The following MPHOSPH10 variants were observed in gnomAD, a reference collection of about 807,000 sequenced individuals.
MPHOSPH10 encodes M-phase phosphoprotein 10, also known as U3 small nucleolar ribonucleoprotein MPP10.
MPHOSPH10 carries 33 observed loss-of-function variants against 77.3 expected under a neutral mutation model. That is an observed-to-expected ratio of 0.43 (90% CI 0.32 to 0.57). The LOEUF (loss-of-function observed/expected upper bound fraction) is 0.57, where lower values mean the gene tolerates loss of function less well. MPHOSPH10 is among the 20% of genes least tolerant of loss of function. The probability of loss-of-function intolerance (pLI) is 0.07; values close to 1 mark genes in which losing one functional copy is unlikely to be tolerated. For synonymous variants in MPHOSPH10, 245 were observed against 268.0 expected (o/e 0.91, Z 0.84); for missense variants, 708 against 780.1 (o/e 0.91, Z 1.10).
intron 4 of MPHOSPH10, among the ~76,000 whole-genome samples, chr2:71,135,524 G>A (rs1457071315): frequency 2.6e-5 from 4 of 151,858 alleles, no homozygotes; most frequent in Non-Finnish European, 5.9e-5. Flanking sequence ...TCCAGCCTGG[G>A]CGACAGAGTG....
rs1312317645 is a variant in MPHOSPH10 at position 71,149,392 on chromosome 2, A to G, written c.1835A>G (p.Lys612Arg). Residue 612 changes from lysine (K) to arginine (R), a missense_variant, in exon 10 of 11, where the codon AAA becomes AGA. By Grantham distance (26) the Lys-to-Arg change is conservative. Transcript: ENST00000244230. ...SSVDQAGKYS[K>R]TVASEKLKQL... ...GTAGATCAAGCAGGGAAATACAGCA[A>G]AACAGTAGCTTCGGAGAAGTTAAAA... 6.3e-7 allele frequency: 1 copy of G among 1,575,682 alleles called. No homozygotes were observed.
Position 71,135,724 on chromosome 2 carries a change from CAG to C in MPHOSPH10, c.1098+930_1098+931del, listed in dbSNP as rs1673476533. Among the ~76,000 whole-genome samples the C allele has an allele frequency of 3.1e-5, 4 of 127,062 alleles. No homozygotes were observed. The South Asian group carries it at 7.7e-4, about 25-fold the overall frequency. The allele number at this position is 127,062 out of a possible 152,430, so 83.4% of individuals were successfully genotyped here. A position where few individuals can be genotyped will look rare whatever the true frequency, so the allele number is the denominator to read the frequency against. ...TTTCTTTTTTTTTTTTTTTTTGAGA[CAG>C]AGTTTCACTCTTGTCACCCAGGCTG... On this transcript the variant is annotated intron_variant, in intron 4 of 10. Coordinates refer to ENST00000244230, the MANE Select transcript of MPHOSPH10 (RefSeq NM_005791.3).
chr2:71,135,695 T>C (rs573178688), intron 4 of MPHOSPH10, among the ~76,000 whole-genome samples: 2 of 149,546 alleles, frequency 1.3e-5, no homozygotes, highest in South Asian at 4.2e-4. Flanking sequence ...CTTTTCTTTT[T>C]CTTTTTCTTT....
intron 1 of MPHOSPH10, 62 bp downstream of exon 1, chr2:71,130,816 G>T: frequency 6.7e-7 from 1 of 1,486,826 alleles, no homozygotes; most frequent in Non-Finnish European, 9.2e-7. Flanking sequence ...CGGGTTGCAG[G>T]CCTCCGGCAA....
intron 1 of MPHOSPH10, among the ~76,000 whole-genome samples, chr2:71,131,654 A>G (rs902455713): frequency 6.6e-6 from 1 of 152,164 alleles, no homozygotes; most frequent in Middle Eastern, 3.2e-3. Flanking sequence ...TGGGTAGGTA[A>G]TGGAAAATTA....
chr2:71,145,486 G>T (rs13418921), intron 8 of MPHOSPH10, among the ~76,000 whole-genome samples: 327 of 147,604 alleles, frequency 2.2e-3, no homozygotes, highest in African/African-American at 7.2e-3. Context: ...TTTTTAACCT[G>T]GTTGTTTTTT....
At chr2:71,145,375 C>T (rs369779242) in intron 8 of MPHOSPH10, among the ~76,000 whole-genome samples, 4 of 152,164 alleles carry the variant, frequency 2.6e-5, no homozygotes, top group Admixed American at 6.5e-5. Context: ...AATCGCTTTA[C>T]GTTTCATTTG....
chr2:71,149,845 A>AT, intron 10 of MPHOSPH10, 21 bp from the exon 11 acceptor site: 1 of 1,522,326 alleles, frequency 6.6e-7, no homozygotes, highest in Non-Finnish European at 8.7e-7. Context: ...CAGCATAAGC[A>AT]TGTGGTGTTT....
rs755232934 is a variant in MPHOSPH10, at chr2:71,146,680, CTT to C, written c.1558-1317_1558-1316del. On this transcript the variant is annotated intron_variant, in intron 8 of 10. Transcript: ENST00000244230. ...CTGTCTTCTTTTTCTCCATATTTCT[CTT>C]TAAACACTAGAATGGAACACAGTGT... Among the ~76,000 whole-genome samples the C allele has an allele frequency of 1.7e-3, 261 of 152,240 alleles. 1 individual carries two copies. The highest frequency in any genetic ancestry group is 3.2e-3 in the Non-Finnish European group (220 of 68,026).
intron 4 of MPHOSPH10, among the ~76,000 whole-genome samples, chr2:71,135,833 G>A (rs922612699): frequency 1.3e-5 from 2 of 151,162 alleles, no homozygotes; most frequent in African/African-American, 4.9e-5. Context: ...CTCCTGAGTA[G>A]TTGGGATTAC....
intron 1 of MPHOSPH10, among the ~76,000 whole-genome samples, chr2:71,132,092 T>C (rs959963695): frequency 1.1e-4 from 17 of 152,210 alleles, no homozygotes; most frequent in Admixed American, 2.0e-4. Context: ...TCTAATTCTT[T>C]AGCAATCCTG....
At position 71,149,889 on chromosome 2, in the gene MPHOSPH10, A is replaced by T; in HGVS notation, c.1920A>T (p.Leu640Phe). The T allele has an allele frequency of 1.3e-6, 2 of 1,566,364 alleles. No homozygotes were observed. The highest frequency in any genetic ancestry group is 1.7e-6 in the Non-Finnish European group (2 of 1,165,738). ...FIKDEGKDKA[L>F]KSSQAFFSKL... ...AGGATGAAGGTAAAGACAAGGCCTT[A>T]AAGTCCTCTCAAGCATTCTTTTCTA... Residue 640 changes from leucine to phenylalanine, a missense_variant, in exon 11 of 11, where the codon TTA (leucine) becomes TTT (phenylalanine). Leu to Phe is a conservative substitution (Grantham distance 22). This residue lies in a region of MPHOSPH10 where 263 missense variants were observed against 320.0 expected (regional missense o/e 0.82). Transcript: ENST00000244230.
chr2:71,131,006 T>C (rs1673365930), intron 1 of MPHOSPH10, among the ~76,000 whole-genome samples: 2 of 152,202 alleles, frequency 1.3e-5, no homozygotes, highest in African/African-American at 4.8e-5. Context: ...GAAGCTTCCC[T>C]TGGGCTTCTT....
rs1182403246 is a variant in MPHOSPH10, at chr2:71,148,053, G to A, written c.1612G>A (p.Val538Ile). ...TCTGCCAGCCATAACCATGGAGGAA[G>A]TAGCCCCAGTGAGTGTTAGTGATGC... ...SNLPAITMEE[V>I]APVSVSDAAL... The change falls in exon 9 of 11, where the codon GTA becomes ATA. Residue 538 changes from valine (V) to isoleucine (I), a missense_variant. By Grantham distance (29) the Val-to-Ile change is conservative (BLOSUM62 3). Transcript: ENST00000244230. 8 of 1,614,092 alleles carry A rather than the reference G, an allele frequency of 5.0e-6. No individual in the cohort carries two copies. Among genetic ancestry groups the A allele is most frequent in the Non-Finnish European group, 6.8e-6 (8 of 1,180,042 alleles).
intron 5 of MPHOSPH10, chr2:71,139,042 A>G: frequency 5.1e-6 from 2 of 389,222 alleles, no homozygotes; most frequent in Non-Finnish European, 9.3e-6. Flanking sequence ...CACTCTGTCA[A>G]AAAAGAAAAA....
intron 3 of MPHOSPH10, 97 bp from the exon 4 acceptor site, chr2:71,134,529 A>G (rs1006992107): frequency 1.3e-5 from 15 of 1,112,034 alleles, no homozygotes; most frequent in East Asian, 5.0e-5. Flanking sequence ...TGCATTAGGT[A>G]TATAAAATAA....
In MPHOSPH10 at chr2:71,145,777, C is replaced by CTGATCT. The variant is rs1191119486; in HGVS notation, c.1557+1241_1557+1246dup. Among the ~76,000 whole-genome samples, 6 of 152,150 alleles carry CTGATCT rather than the reference C, an allele frequency of 3.9e-5. No homozygotes were observed. In the East Asian group the frequency reaches 1.2e-3, roughly 29 times the overall value. Reference sequence around the variant, plus strand: ...CCTTGGCTTGCTACCCCCACCCCCACTGATCTTCTGATTCCTTGAGCAGGC... The same window carrying CTGATCT: ...CCTTGGCTTGCTACCCCCACCCCCACTGATCTTGATCTTCTGATTCCTTGAGCAGGC... On this transcript the variant is annotated intron_variant, in intron 8 of 10. Coordinates refer to ENST00000244230, the MANE Select transcript of MPHOSPH10 (RefSeq NM_005791.3).
At chr2:71,134,151 A>G (rs747583905) in intron 3 of MPHOSPH10, 46 bp downstream of exon 3, 5 of 1,555,660 alleles carry the variant, frequency 3.2e-6, no homozygotes, top group African/African-American at 1.4e-5. Context: ...GGAATTGCCC[A>G]ATCATGTGTG....
rs1388427413 is a variant in MPHOSPH10 at position 71,141,335 on chromosome 2, A to C, written c.1412A>C (p.Glu471Ala). 6.4e-7 allele frequency: 1 copy of C among 1,566,328 alleles called. No homozygotes were observed. The highest frequency in any genetic ancestry group is 8.6e-7 in the Non-Finnish European group (1 of 1,157,592). The part of the protein sequence containing the change: ...DHEKSKLSLA[E>A]IYEQEYIKLN... Reference sequence around the variant, plus strand: ...GAGAAGAGTAAATTGAGCCTTGCTGAAATTTATGAACAGGAGTACATCAAA... The same window carrying C: ...GAGAAGAGTAAATTGAGCCTTGCTGCAATTTATGAACAGGAGTACATCAAA... The change falls in exon 7 of 11, where the codon GAA (glutamate) becomes GCA (alanine). Residue 471 changes from glutamate to alanine, a missense_variant. Physicochemically the swap from Glu to Ala is moderately radical, Grantham distance 107 (BLOSUM62 -1). Transcript: ENST00000244230.
Sources: allele counts gnomAD v4.1 joint callset (sites outside exome capture counted in the v4.1 genomes callset), GRCh38; gene constraint gnomAD v4.1.1; regional missense constraint gnomAD v4.1.1; transcripts MANE v1.5; gene names NCBI Gene and HGNC (gene_info 2026-07-23, HGNC 2026-07-21).